FOXN3: variants seen among roughly 807,000 people sequenced by gnomAD.
FOXN3 encodes forkhead box N3.
Under a neutral mutation model 38.4 loss-of-function variants are expected in FOXN3, and 7 were observed. That is an observed-to-expected ratio of 0.18 (90% confidence interval 0.10 to 0.34). The LOEUF (loss-of-function observed/expected upper bound fraction) is 0.34. Among genes scored for constraint, FOXN3 ranks in the 10% least tolerant of loss-of-function variants. The pLI is 1.00. For synonymous variants in FOXN3, 230 were observed against 242.2 expected (o/e 0.95, Z 0.47); for missense variants, 456 against 613.4 (o/e 0.74, Z 2.71).
chr14:89,339,679 T>C (rs1438005574), intron 3 of FOXN3, among the ~76,000 whole-genome samples: 1 of 152,224 alleles, frequency 6.6e-6, no homozygotes, highest in Non-Finnish European at 1.5e-5. Context: ...AGCTTCAGAC[T>C]GTGGGATCTT....
intron 4 of FOXN3, among the ~76,000 whole-genome samples, chr14:89,234,017 C>T (rs374309171): frequency 1.5e-5 from 2 of 137,022 alleles, no homozygotes; most frequent in Admixed American, 7.2e-5. Context: ...ATCCCAGAGA[C>T]GTCAACCTAC....
At chr14:89,310,560 G>A (rs1000847976) in intron 3 of FOXN3, among the ~76,000 whole-genome samples, 2 of 152,184 alleles carry the variant, frequency 1.3e-5, no homozygotes, top group African/African-American at 4.8e-5. Context: ...AAATGGAGAC[G>A]AAGCTCAAGG....
At chr14:89,181,581 TCCCA>T (rs1887676391) in intron 4 of FOXN3, among the ~76,000 whole-genome samples, 1 of 152,146 alleles carries the variant, frequency 6.6e-6, no homozygotes. Context: ...TCGCTCCTCA[TCCCA>T]CCTTCTCCTA....
chr14:89,452,690 C>CTGG (rs1892637074), intron 1 of FOXN3, among the ~76,000 whole-genome samples: 7 of 152,194 alleles, frequency 4.6e-5, no homozygotes, highest in Admixed American at 1.3e-4. Context: ...CTGATGCACC[C>CTGG]ACCCAACAGC....
chr14:89,423,301 C>G (rs1891955207), intron 1 of FOXN3, among the ~76,000 whole-genome samples: 1 of 152,208 alleles, frequency 6.6e-6, no homozygotes, highest in Non-Finnish European at 1.5e-5. Flanking sequence ...TAACTTCTTT[C>G]TATCTACCTA....
chr14:89,343,903 G>T (rs1888692825), intron 3 of FOXN3, among the ~76,000 whole-genome samples: 1 of 151,990 alleles, frequency 6.6e-6, no homozygotes, highest in Non-Finnish European at 1.5e-5. Flanking sequence ...GCTGATTGCA[G>T]GTGCCTGCCA....
At position 89,575,205 on chromosome 14, in the gene FOXN3, G is replaced by C. The variant is rs116335600; in HGVS notation, c.-15+43823C>G. Among the ~76,000 whole-genome samples the C allele has an allele frequency of 5.2e-3, 785 of 152,212 alleles. 10 individuals are homozygous for C. The highest frequency in any genetic ancestry group is 0.018 in the African/African-American group (734 of 41,532). ...CACCTTTCTGCCAACCCACGAAGGG[G>C]ACCCCCAAGCGACACTGACTCTAGA... is the stretch of plus-strand genomic sequence containing the variant. On this transcript the variant is annotated intron_variant, in intron 1 of 6. Transcript: ENST00000345097.
intron 1 of FOXN3, among the ~76,000 whole-genome samples, chr14:89,577,965 T>C (rs541132934): frequency 1.3e-5 from 2 of 152,216 alleles, no homozygotes; most frequent in Non-Finnish European, 2.9e-5. Flanking sequence ...TCATGTGAAC[T>C]TCCAGTGGAA....
At chr14:89,533,990 G>C (rs1383598958) in intron 1 of FOXN3, among the ~76,000 whole-genome samples, 1 of 151,702 alleles carries the variant, frequency 6.6e-6, no homozygotes. Context: ...AAGAAGCCTT[G>C]GTAAGTGTCA....
chr14:89,320,452 C>T (rs910155824), intron 3 of FOXN3, among the ~76,000 whole-genome samples: 3 of 152,138 alleles, frequency 2.0e-5, no homozygotes, highest in Non-Finnish European at 2.9e-5. Flanking sequence ...AAATATTTTC[C>T]GCAGAATCAC....
intron 4 of FOXN3, chr14:89,190,546 G>GAA: frequency 9.5e-6 from 8 of 839,080 alleles, no homozygotes; most frequent in East Asian, 3.1e-5. Flanking sequence ...ATGCAACAGA[G>GAA]AAAAAAAAAA....
At chr14:89,485,866 C>A (rs534388995) in intron 1 of FOXN3, among the ~76,000 whole-genome samples, 1 of 152,262 alleles carries the variant, frequency 6.6e-6, no homozygotes, top group Non-Finnish European at 1.5e-5. Context: ...CCCCTCAAGG[C>A]TCAATGCCAC....
chr14:89,482,167 C>T (rs1893344588), intron 1 of FOXN3, among the ~76,000 whole-genome samples: 1 of 152,032 alleles, frequency 6.6e-6, no homozygotes, highest in African/African-American at 2.4e-5. Flanking sequence ...AACAAAGGCA[C>T]AAAAAAAGTA....
chr14:89,584,507 A>T (rs1895807285), intron 1 of FOXN3, among the ~76,000 whole-genome samples: 1 of 152,230 alleles, frequency 6.6e-6, no homozygotes, highest in Admixed American at 6.5e-5. Context: ...CCAGCAGAGT[A>T]TGAGAGTTTC....
chr14:89,566,303 AT>A (rs35665987), intron 1 of FOXN3, among the ~76,000 whole-genome samples: 69,293 of 151,552 alleles, frequency 0.46, 18,888 homozygotes, highest in Non-Finnish European at 0.62. Flanking sequence ...ATTTAATCAG[AT>A]TTTTTTTTTC....
intron 2 of FOXN3, among the ~76,000 whole-genome samples, chr14:89,380,984 A>C (rs985886125): frequency 1.3e-5 from 2 of 151,970 alleles, no homozygotes; most frequent in Non-Finnish European, 2.9e-5. Flanking sequence ...TCCACTAAAA[A>C]TACAAAAAGT....
At chr14:89,374,421 G>A (rs72701697) in intron 2 of FOXN3, among the ~76,000 whole-genome samples, 28,348 of 151,952 alleles carry the variant, frequency 0.19, 2,880 homozygotes, top group South Asian at 0.38. Flanking sequence ...CCCACTCCTG[G>A]GTATTTCTTC....
At chr14:89,231,979 G>GGACA (rs1884825861) in intron 4 of FOXN3, among the ~76,000 whole-genome samples, 2 of 152,224 alleles carry the variant, frequency 1.3e-5, no homozygotes, top group African/African-American at 4.8e-5. Context: ...ACTGCTTCAG[G>GGACA]GACAGGTAAG....
At chr14:89,166,524 C>T (rs1275607699) in intron 5 of FOXN3, among the ~76,000 whole-genome samples, 2 of 152,040 alleles carry the variant, frequency 1.3e-5, no homozygotes. Flanking sequence ...AGTGGGGTGG[C>T]CCGGACAGTC....
Sources: allele counts gnomAD v4.1 joint callset (sites outside exome capture counted in the v4.1 genomes callset), GRCh38; gene constraint gnomAD v4.1.1; transcripts MANE v1.5; gene names NCBI Gene and HGNC (gene_info 2026-07-23, HGNC 2026-07-21).